RALYL: variants seen among roughly 807,000 people sequenced by gnomAD.
RALYL encodes the protein RALY RNA binding protein like, also known as RNA-binding Raly-like protein.
Under a neutral mutation model 35.1 loss-of-function variants are expected in RALYL, and 29 were observed. The observed-to-expected ratio is 0.83, with a 90% CI of 0.61 to 1.13. The LOEUF is 1.13. Ranked by LOEUF, RALYL falls within the 50% of genes most tolerant of loss-of-function variation. The pLI is 0.00. For missense variants in RALYL, 359 were observed against 360.4 expected, an observed-to-expected ratio of 1.00 and a Z score of 0.03; for synonymous variants, 120 against 127.6, an observed-to-expected ratio of 0.94 and a Z score of 0.40.
chr8:84,895,736 TC>T (rs1844643027), intron 8 of RALYL, among the ~76,000 whole-genome samples: 1 of 152,126 alleles, frequency 6.6e-6, no homozygotes, highest in Non-Finnish European at 1.5e-5. Context: ...GGTCTCTAAC[TC>T]CTGACATCAG....
intron 2 of RALYL, among the ~76,000 whole-genome samples, chr8:84,578,401 T>G (rs961673205): frequency 2.6e-4 from 40 of 152,356 alleles, no homozygotes; most frequent in African/African-American, 8.7e-4. Flanking sequence ...GCTGCAGCTC[T>G]TCTTTCCTTC....
Position 84,365,932 on chromosome 8 carries a change from C to T in RALYL, c.-23-163367C>T, listed in dbSNP as rs888876110. 4.6e-5 allele frequency among the ~76,000 whole-genome samples: 7 copies of T among 152,160 alleles called. No individual in the cohort carries two copies. In the East Asian group the frequency reaches 5.8e-4, roughly 13 times the overall value. ...TGCTGGTACTAGACCACACACTGACCGCATGGACACGTTGGCATTGGCTGC... is the reference window on the plus strand; with the variant it reads ...TGCTGGTACTAGACCACACACTGACTGCATGGACACGTTGGCATTGGCTGC... On this transcript the variant is annotated intron_variant, in intron 1 of 8. Transcript: ENST00000521268.
At chr8:84,893,624 G>A (rs887689040) in intron 8 of RALYL, among the ~76,000 whole-genome samples, 1 of 152,124 alleles carries the variant, frequency 6.6e-6, no homozygotes, top group Non-Finnish European at 1.5e-5. Flanking sequence ...GTTTTCCAAA[G>A]GAGAGTTTTT....
chr8:84,612,163 TG>T (rs1818446921), intron 2 of RALYL, among the ~76,000 whole-genome samples: 1 of 152,034 alleles, frequency 6.6e-6, no homozygotes, highest in African/African-American at 2.4e-5. Context: ...GGGGTTTGTG[TG>T]TTTCCAGTAG....
chr8:84,743,901 G>A (rs1274772069), intron 2 of RALYL, among the ~76,000 whole-genome samples: 2 of 151,976 alleles, frequency 1.3e-5, no homozygotes, highest in Non-Finnish European at 2.9e-5. Flanking sequence ...AATTCATACA[G>A]ACAGAAAGCA....
intron 4 of RALYL, among the ~76,000 whole-genome samples, chr8:84,827,725 T>A (rs1279274823): frequency 6.6e-6 from 1 of 152,100 alleles, no homozygotes; most frequent in East Asian, 1.9e-4. Flanking sequence ...TTTTGTAATA[T>A]TCCATTTTCT....
At chr8:84,825,567 T>C (rs1829488899) in intron 4 of RALYL, among the ~76,000 whole-genome samples, 1 of 152,090 alleles carries the variant, frequency 6.6e-6, no homozygotes, top group African/African-American at 2.4e-5. Context: ...CACAGCACTA[T>C]TTACAATAGC....
At chr8:84,450,656 G>A (rs1038206235) in intron 1 of RALYL, among the ~76,000 whole-genome samples, 2 of 151,852 alleles carry the variant, frequency 1.3e-5, no homozygotes, top group South Asian at 4.1e-4. Context: ...CTATAAAAGA[G>A]CAAATATTCT....
intron 8 of RALYL, among the ~76,000 whole-genome samples, chr8:84,902,187 G>A (rs1343116307): frequency 6.6e-6 from 1 of 152,094 alleles, no homozygotes; most frequent in Non-Finnish European, 1.5e-5. Context: ...CATGATGCTG[G>A]CATCTCCTCA....
intron 2 of RALYL, among the ~76,000 whole-genome samples, chr8:84,671,053 A>G (rs1306652567): frequency 6.6e-6 from 1 of 152,178 alleles, no homozygotes; most frequent in East Asian, 1.9e-4. Flanking sequence ...GGCATTGGGT[A>G]AATACACCTG....
At chr8:84,221,449 G>A (rs1822191972) in intron 1 of RALYL, among the ~76,000 whole-genome samples, 1 of 152,026 alleles carries the variant, frequency 6.6e-6, no homozygotes, top group Non-Finnish European at 1.5e-5. Flanking sequence ...TAGTATGACA[G>A]TTAACTGTGT....
At chr8:84,286,194 C>T (rs563450470) in intron 1 of RALYL, among the ~76,000 whole-genome samples, 6 of 152,114 alleles carry the variant, frequency 3.9e-5, no homozygotes, top group Non-Finnish European at 7.4e-5. Flanking sequence ...TCCCAAAGTG[C>T]TGGGATTACA....
intron 1 of RALYL, among the ~76,000 whole-genome samples, chr8:84,453,704 A>G (rs977857508): frequency 1.1e-4 from 16 of 152,036 alleles, no homozygotes; most frequent in Admixed American, 7.9e-4. Flanking sequence ...CACAGTGTCA[A>G]TGACATTGAA....
intron 1 of RALYL, among the ~76,000 whole-genome samples, chr8:84,281,771 T>C (rs1331768623): frequency 3.3e-5 from 5 of 152,108 alleles, no homozygotes; most frequent in Non-Finnish European, 7.4e-5. Flanking sequence ...CCCATGTATA[T>C]ATGTAATCTC....
At chr8:84,586,154 C>T (rs1016028477) in intron 2 of RALYL, among the ~76,000 whole-genome samples, 1 of 150,238 alleles carries the variant, frequency 6.7e-6, no homozygotes, top group Non-Finnish European at 1.5e-5. Context: ...AAGATCATGC[C>T]ACTGCACTCC....
At chr8:84,307,875 G>A (rs1842116344) in intron 1 of RALYL, among the ~76,000 whole-genome samples, 2 of 152,008 alleles carry the variant, frequency 1.3e-5, no homozygotes, top group African/African-American at 2.4e-5. Context: ...CACAAAAAAA[G>A]GGCTCAGATA....
At chr8:84,387,365 T>C (rs568013386) in intron 1 of RALYL, among the ~76,000 whole-genome samples, 2 of 151,884 alleles carry the variant, frequency 1.3e-5, no homozygotes, top group Non-Finnish European at 2.9e-5. Flanking sequence ...TGATTCAACT[T>C]AGGCAGAGAC....
chr8:84,821,636 T>TA (rs1462083096), intron 4 of RALYL, among the ~76,000 whole-genome samples: 3 of 152,194 alleles, frequency 2.0e-5, no homozygotes, highest in Non-Finnish European at 4.4e-5. Context: ...ATCTTTATTT[T>TA]ATCAATCTCA....
chr8:84,278,520 T>G (rs1035349212), intron 1 of RALYL, among the ~76,000 whole-genome samples: 3 of 152,194 alleles, frequency 2.0e-5, no homozygotes, highest in Non-Finnish European at 2.9e-5. Flanking sequence ...AGAAAATGGG[T>G]TTTTCCTTTC....
Sources: gnomAD v4.1 joint callset for allele counts (sites outside exome capture counted in the v4.1 genomes callset) on GRCh38, gnomAD v4.1.1 for gene constraint, MANE v1.5 for transcripts, NCBI Gene and HGNC (gene_info 2026-07-23, HGNC 2026-07-21) for gene names.